The following GRID2 variants were observed in gnomAD, a reference collection of about 807,000 sequenced individuals.
GRID2 encodes glutamate receptor ionotropic, delta-2.
A neutral mutation model predicts 114.8 loss-of-function variants in GRID2; 33 were observed. That is an observed-to-expected ratio of 0.29 (90% CI 0.22 to 0.38). GRID2 has a LOEUF of 0.38. Among genes scored for constraint, GRID2 ranks in the 10% least tolerant of loss-of-function variants. The probability of loss-of-function intolerance (pLI) is 1.00; values close to 1 mark genes in which losing one functional copy is unlikely to be tolerated. For missense variants in GRID2, 1,184 were observed against 1,257.7 expected, an observed-to-expected ratio of 0.94 and a Z score of 0.89; for synonymous variants, 505 against 449.9, an observed-to-expected ratio of 1.12 and a Z score of -1.55.
At chr4:92,734,592 T>A (rs1736497109) in intron 2 of GRID2, among the ~76,000 whole-genome samples, 1 of 151,818 alleles carries the variant, frequency 6.6e-6, no homozygotes, top group Admixed American at 6.6e-5. Context: ...CCTTACTTTT[T>A]TTTACTTGGT....
chr4:92,831,908 A>T (rs1323350064), intron 2 of GRID2, among the ~76,000 whole-genome samples: 1 of 152,026 alleles, frequency 6.6e-6, no homozygotes, highest in Non-Finnish European at 1.5e-5. Context: ...ACCCCCCAAA[A>T]TAAGAAAGTA....
chr4:93,563,469 G>A (rs531096773), intron 13 of GRID2, among the ~76,000 whole-genome samples: 8 of 151,856 alleles, frequency 5.3e-5, no homozygotes, highest in Non-Finnish European at 8.9e-5. Flanking sequence ...AACTAAATAA[G>A]CTTATCTTTT....
intron 2 of GRID2, among the ~76,000 whole-genome samples, chr4:92,964,252 G>A (rs1752996634): frequency 6.6e-6 from 1 of 151,942 alleles, no homozygotes; most frequent in South Asian, 2.1e-4. Flanking sequence ...GCTAGGCCTT[G>A]TTTTGTCCTC....
chr4:93,650,817 C>T, intron 14 of GRID2, among the ~76,000 whole-genome samples: 1 of 151,658 alleles, frequency 6.6e-6, no homozygotes, highest in African/African-American at 2.4e-5. Flanking sequence ...TCAAGCAGAG[C>T]TTCTCCCTGT....
At chr4:93,710,969 C>A (rs1728430123) in intron 14 of GRID2, among the ~76,000 whole-genome samples, 2 of 152,010 alleles carry the variant, frequency 1.3e-5, no homozygotes, top group Admixed American at 1.3e-4. Flanking sequence ...CTGAATCTCC[C>A]CCTTCAGAGA....
At chr4:92,912,717 A>G (rs1748480731) in intron 2 of GRID2, among the ~76,000 whole-genome samples, 1 of 151,850 alleles carries the variant, frequency 6.6e-6, no homozygotes, top group South Asian at 2.1e-4. Flanking sequence ...TGTAGAGGCA[A>G]TGAGTTATAG....
chr4:92,784,537 ATAT>A (rs1346204119), intron 2 of GRID2, among the ~76,000 whole-genome samples: 9 of 151,918 alleles, frequency 5.9e-5, no homozygotes. Flanking sequence ...GTAAAATTAA[ATAT>A]TATATAAAAT....
chr4:93,450,182 A>G (rs1161671208), intron 10 of GRID2, among the ~76,000 whole-genome samples: 1 of 151,898 alleles, frequency 6.6e-6, no homozygotes, highest in Non-Finnish European at 1.5e-5. Flanking sequence ...TGAGGGACAG[A>G]AAATCATATC....
intron 2 of GRID2, among the ~76,000 whole-genome samples, chr4:92,843,304 G>A (rs974792529): frequency 2.0e-5 from 3 of 151,866 alleles, no homozygotes; most frequent in African/African-American, 7.2e-5. Context: ...ATCAGGTAAA[G>A]CAGAAGTTCA....
intron 8 of GRID2, among the ~76,000 whole-genome samples, chr4:93,325,238 C>G: frequency 6.6e-6 from 1 of 152,106 alleles, no homozygotes; most frequent in East Asian, 1.9e-4. Context: ...TATGTTATGT[C>G]TTTGTTCTTA....
chr4:93,446,215 T>C (rs1306238753), intron 10 of GRID2, among the ~76,000 whole-genome samples: 3 of 152,038 alleles, frequency 2.0e-5, no homozygotes, highest in African/African-American at 7.2e-5. Context: ...ATTCACATGG[T>C]GATCCAGGGT....
chr4:93,617,163 G>A (rs987430845), intron 13 of GRID2, among the ~76,000 whole-genome samples: 1 of 152,104 alleles, frequency 6.6e-6, no homozygotes, highest in African/African-American at 2.4e-5. Flanking sequence ...AGAGTAAGAG[G>A]CCAACACGTC....
chr4:93,316,327 A>AG (rs1249649322), intron 8 of GRID2, among the ~76,000 whole-genome samples: 3 of 48,128 alleles, frequency 6.2e-5, no homozygotes, highest in African/African-American at 3.0e-4. Flanking sequence ...AAAGAAAGAA[A>AG]GAAAGAAAGA....
intron 14 of GRID2, among the ~76,000 whole-genome samples, chr4:93,666,738 AT>A (rs993513602): frequency 1.3e-5 from 2 of 152,098 alleles, no homozygotes; most frequent in African/African-American, 4.8e-5. Flanking sequence ...TTACATGAAT[AT>A]GAAAATGAAA....
chr4:93,200,566 A>AAAAC (rs35790342), intron 4 of GRID2, among the ~76,000 whole-genome samples: 85,435 of 149,760 alleles, frequency 0.57, 25,223 homozygotes, highest in Middle Eastern at 0.73. Context: ...ACTCCGTCTC[A>AAAAC]AAACAAACAA....
intron 13 of GRID2, among the ~76,000 whole-genome samples, chr4:93,561,316 G>C (rs1309268674): frequency 6.6e-6 from 1 of 152,006 alleles, no homozygotes; most frequent in Non-Finnish European, 1.5e-5. Flanking sequence ...TACTAACAGA[G>C]CCCTAATAAT....
At chr4:92,480,941 C>G (rs979203811) in intron 1 of GRID2, among the ~76,000 whole-genome samples, 3 of 152,096 alleles carry the variant, frequency 2.0e-5, no homozygotes, top group Non-Finnish European at 4.4e-5. Flanking sequence ...CTCTCTTGTT[C>G]AGCTTTTAAA....
intron 14 of GRID2, among the ~76,000 whole-genome samples, chr4:93,655,480 A>C (rs1239191848): frequency 6.6e-6 from 1 of 152,136 alleles, no homozygotes; most frequent in African/African-American, 2.4e-5. Flanking sequence ...TTTTAAAAAA[A>C]GAAAGTTATG....
At chr4:92,774,823 T>C (rs943649590) in intron 2 of GRID2, among the ~76,000 whole-genome samples, 1 of 152,108 alleles carries the variant, frequency 6.6e-6, no homozygotes, top group African/African-American at 2.4e-5. Flanking sequence ...CTCAAACCTC[T>C]GGGCTCAAGC....
Sources: gnomAD v4.1 joint callset for allele counts (sites outside exome capture counted in the v4.1 genomes callset) on GRCh38, gnomAD v4.1.1 for gene constraint, MANE v1.5 for transcripts, NCBI Gene and HGNC (gene_info 2026-07-23, HGNC 2026-07-21) for gene names.